Variants in WNT9B observed in about 807,000 individuals in gnomAD.
WNT9B encodes Wnt family member 9B.
In WNT9B, 12 loss-of-function variants were observed where a neutral mutation model predicts 30.2. That is an observed-to-expected ratio of 0.40 (90% CI 0.26 to 0.64). WNT9B has a LOEUF of 0.64. Among genes scored for constraint, WNT9B ranks in the 30% least tolerant of loss-of-function variants. The pLI, the probability that WNT9B is intolerant of heterozygous loss-of-function variation, is 0.42. For missense variants in WNT9B, 442 were observed against 485.2 expected, an observed-to-expected ratio of 0.91 and a Z score of 0.84; for synonymous variants, 218 against 216.9, an observed-to-expected ratio of 1.01 and a Z score of -0.05.
At chr17:46,839,776 G>A (rs1192825484) in intron 1 of WNT9B, among the ~76,000 whole-genome samples, 2 of 152,058 alleles carry the variant, frequency 1.3e-5, no homozygotes, top group Non-Finnish European at 2.9e-5. Flanking sequence ...AACATGCAGT[G>A]TTTGGTTTTC....
chr17:46,859,607 GT>G (rs561110161), intron 1 of WNT9B, among the ~76,000 whole-genome samples: 93 of 152,208 alleles, frequency 6.1e-4, no homozygotes, highest in African/African-American at 2.1e-3. Context: ...TTTATGTTAA[GT>G]CTTGAAACTA....
chr17:46,858,065 G>T (rs1568122318), intron 1 of WNT9B, among the ~76,000 whole-genome samples: 1 of 152,166 alleles, frequency 6.6e-6, no homozygotes, highest in Admixed American at 6.5e-5. Flanking sequence ...AAGTAGCTGG[G>T]ACTACAGGCA....
At chr17:46,850,309 G>C (rs1349050833), upstream of WNT9B, among the ~76,000 whole-genome samples, 1 of 152,220 alleles carries the variant, frequency 6.6e-6, no homozygotes, top group African/African-American at 2.4e-5. Context: ...TGATAGGGCT[G>C]GCAGAGCTGT....
chr17:46,885,225 C>T (rs1295185050), downstream of WNT9B: 3 of 302,998 alleles, frequency 9.9e-6, no homozygotes, highest in African/African-American at 2.3e-5. Context: ...AGGCTGGTCT[C>T]GAACTCCCGA....
intron 1 of WNT9B, among the ~76,000 whole-genome samples, chr17:46,852,818 A>G (rs917590358): frequency 2.0e-5 from 3 of 152,146 alleles, no homozygotes; most frequent in Non-Finnish European, 2.9e-5. Flanking sequence ...TGCTTTGAAG[A>G]AGTAGCCAGG....
chr17:46,835,313 G>A (rs1170668685), intron 1 of WNT9B, among the ~76,000 whole-genome samples: 3 of 152,104 alleles, frequency 2.0e-5, no homozygotes, highest in Non-Finnish European at 4.4e-5. Context: ...CCGGGTTCAC[G>A]CCATTCTCCT....
chr17:46,848,714 T>C (rs72837818), upstream of WNT9B, among the ~76,000 whole-genome samples: 29,838 of 152,234 alleles, frequency 0.2, 3,586 homozygotes, highest in East Asian at 0.49. Flanking sequence ...GAGCCAGCCA[T>C]GGCCAATCAT....
chr17:46,874,871 C>T lies in WNT9B; in HGVS notation c.335-230C>T, dbSNP rs1039685884. ...GGGATTAGGGGCACGAGCCACTGTGCCCAGCCTGGAAGTTCCATTTAAATG... is the reference window on the plus strand; with the variant it reads ...GGGATTAGGGGCACGAGCCACTGTGTCCAGCCTGGAAGTTCCATTTAAATG... On this transcript the variant is annotated intron_variant, in intron 2 of 3. Transcript: ENST00000290015. 7 of 673,896 alleles carry T rather than the reference C, an allele frequency of 1.0e-5. No homozygotes were observed. The African/African-American group carries it at 1.1e-4, about 10-fold the overall frequency. 41.7% of individuals were successfully genotyped at this position (673,896 alleles called of 1,614,324 possible).
intron 2 of WNT9B, chr17:46,874,825 G>A (rs775912690): frequency 1.6e-5 from 9 of 578,318 alleles, no homozygotes; most frequent in African/African-American, 9.4e-5. Context: ...TGATCCGCCC[G>A]CCTTGGCCTC....
intron 1 of WNT9B, among the ~76,000 whole-genome samples, chr17:46,856,919 C>A (rs1414813671): frequency 6.6e-6 from 1 of 152,152 alleles, no homozygotes; most frequent in Non-Finnish European, 1.5e-5. Flanking sequence ...TTGCAATCAA[C>A]CCTCTCCCAC....
At chr17:46,874,824 C>T (rs904554192) in intron 2 of WNT9B, 36 of 575,928 alleles carry the variant, frequency 6.3e-5, no homozygotes, top group African/African-American at 3.4e-4. Flanking sequence ...ATGATCCGCC[C>T]GCCTTGGCCT....
intron 1 of WNT9B, among the ~76,000 whole-genome samples, chr17:46,858,315 T>C (rs1190621636): frequency 2.0e-5 from 3 of 152,164 alleles, no homozygotes; most frequent in Admixed American, 2.0e-4. Context: ...TTCATTTTCT[T>C]ATTGATGTCT....
intron 1 of WNT9B, among the ~76,000 whole-genome samples, chr17:46,866,476 G>A (rs1368344227): frequency 6.6e-6 from 1 of 152,114 alleles, no homozygotes; most frequent in Admixed American, 6.5e-5. Context: ...GAGTGTGTGT[G>A]TGTATTTGTG....
At position 46,854,036 on chromosome 17, in the gene WNT9B, C is replaced by T. The variant is rs140235879; in HGVS notation, c.77+2321C>T. ...GGGATGAGTATCGGAGCCACCTCTT[C>T]CAGGTCAGGAGCCCAGCTGGAAAGA... On this transcript the variant is annotated intron_variant, in intron 1 of 3. Coordinates refer to ENST00000290015, the MANE Select transcript of WNT9B (RefSeq NM_003396.3). 2.9e-3 allele frequency among the ~76,000 whole-genome samples: 434 copies of T among 152,250 alleles called. 1 individual carries two copies. Among genetic ancestry groups the T allele is most frequent in the Non-Finnish European group, 4.5e-3 (307 of 68,026 alleles).
chr17:46,837,314 T>C (rs1401338399), intron 1 of WNT9B, among the ~76,000 whole-genome samples: 1 of 152,196 alleles, frequency 6.6e-6, no homozygotes, highest in Non-Finnish European at 1.5e-5. Context: ...AAACTCCACC[T>C]GCAGTGACAA....
intron 1 of WNT9B, among the ~76,000 whole-genome samples, chr17:46,860,532 A>G (rs2085019043): frequency 6.6e-6 from 1 of 152,228 alleles, no homozygotes; most frequent in South Asian, 2.1e-4. Context: ...TTCTGACCCC[A>G]GTTTTCTCAT....
chr17:46,880,965 A>G (rs1287849067), downstream of WNT9B, among the ~76,000 whole-genome samples: 1 of 152,176 alleles, frequency 6.6e-6, no homozygotes, highest in Non-Finnish European at 1.5e-5. Context: ...AGGGACCTAC[A>G]GTCTAATAGG....
At chr17:46,853,795 G>A (rs754282016) in intron 1 of WNT9B, among the ~76,000 whole-genome samples, 4 of 152,094 alleles carry the variant, frequency 2.6e-5, no homozygotes, top group Admixed American at 6.6e-5. Context: ...TCATTTCCAC[G>A]ATTCATTTGT....
At chr17:46,874,785 C>T (rs1053037415) in intron 2 of WNT9B, among the ~76,000 whole-genome samples, 5 of 152,152 alleles carry the variant, frequency 3.3e-5, no homozygotes, top group African/African-American at 9.7e-5. Context: ...ACCATATTGG[C>T]CAGACTGGTC....
Sources: gnomAD v4.1 joint callset for allele counts (sites outside exome capture counted in the v4.1 genomes callset) on GRCh38, gnomAD v4.1.1 for gene constraint, MANE v1.5 for transcripts, NCBI Gene and HGNC (gene_info 2026-07-23, HGNC 2026-07-21) for gene names.